The following PCLO variants were observed in gnomAD, a reference collection of about 807,000 sequenced individuals.
The protein encoded by PCLO is piccolo presynaptic cytomatrix protein.
Under a neutral mutation model 427.5 loss-of-function variants are expected in PCLO, and 82 were observed. The observed-to-expected ratio is 0.19, with a 90% confidence interval of 0.16 to 0.23. The LOEUF (loss-of-function observed/expected upper bound fraction) is 0.23, where lower values mean the gene tolerates loss of function less well. Ranked by LOEUF, PCLO falls within the 10% of genes least tolerant of loss-of-function variation. The probability of loss-of-function intolerance (pLI) is 1.00; values close to 1 mark genes in which losing one functional copy is unlikely to be tolerated. For missense variants in PCLO, 6,239 were observed against 6,115.9 expected (o/e 1.02, Z -0.67); for synonymous variants, 2,357 against 2,155.4 (o/e 1.09, Z -2.59).
At chr7:82,860,770 A>G (rs1417588968) in intron 10 of PCLO, among the ~76,000 whole-genome samples, 3 of 152,088 alleles carry the variant, frequency 2.0e-5, no homozygotes, top group Non-Finnish European at 4.4e-5. Flanking sequence ...AAGACATAGC[A>G]TAATAAGATA....
At position 82,916,131 on chromosome 7, in the gene PCLO, A is replaced by G; in HGVS notation, c.11855T>C (p.Leu3952Ser). The G allele has an allele frequency of 6.2e-7, 1 of 1,613,620 alleles. No homozygotes were observed. The highest frequency in any genetic ancestry group is 1.7e-5 in the Admixed American group (1 of 59,984). The change falls in exon 7 of 25, where the codon TTA (leucine) becomes TCA (serine). Residue 3952 changes from leucine to serine, a missense_variant. By Grantham distance (145) the Leu-to-Ser change is moderately radical. Transcript: ENST00000333891. Reference protein sequence around the residue: ...PTPTPQPSYQLPSQMMVIQQK... With the variant: ...PTPTPQPSYQSPSQMMVIQQK... ...TTGTATCACCATCATCTGTGAAGGTAACTGATAAGAAGGCTGTGGGGTTGG... is the reference window on the plus strand; with the variant it reads ...TTGTATCACCATCATCTGTGAAGGTGACTGATAAGAAGGCTGTGGGGTTGG...
chr7:82,789,532 C>A (rs1054297650), intron 22 of PCLO, among the ~76,000 whole-genome samples: 1 of 152,022 alleles, frequency 6.6e-6, no homozygotes, highest in African/African-American at 2.4e-5. Flanking sequence ...ATGGTGAAAC[C>A]CCATCTCTAC....
At position 83,162,328 on chromosome 7, in the gene PCLO, C is replaced by T; in HGVS notation, c.248+17G>A. 6.3e-7 allele frequency: 1 copy of T among 1,589,120 alleles called. No homozygotes were observed. ...CTGTACATATATGCCCGGACATATA[C>T]ATCATGCTGTGCATGCCTGTGCATG... is the stretch of plus-strand genomic sequence containing the variant. On this transcript the variant is annotated intron_variant, in intron 1 of 24. Transcript: ENST00000333891.
chr7:83,054,903 A>T (rs1789340614), intron 3 of PCLO, among the ~76,000 whole-genome samples: 1 of 152,090 alleles, frequency 6.6e-6, no homozygotes, highest in Non-Finnish European at 1.5e-5. Flanking sequence ...AAGTAACTAT[A>T]ATTTTGCTAA....
intron 3 of PCLO, among the ~76,000 whole-genome samples, chr7:83,012,982 G>A (rs1231445275): frequency 6.6e-6 from 1 of 152,080 alleles, no homozygotes; most frequent in Non-Finnish European, 1.5e-5. Context: ...GAAAGAAGGT[G>A]ATGAGTTTCA....
intron 3 of PCLO, among the ~76,000 whole-genome samples, chr7:83,054,400 T>C (rs1314320814): frequency 1.3e-5 from 2 of 152,038 alleles, no homozygotes; most frequent in East Asian, 1.9e-4. Context: ...ACTGGCATAA[T>C]AAATGCCAAA....
chr7:83,007,650 T>C (rs1050896967), intron 3 of PCLO, among the ~76,000 whole-genome samples: 5 of 151,512 alleles, frequency 3.3e-5, no homozygotes, highest in African/African-American at 1.2e-4. Context: ...AAAATATTTA[T>C]TGGGGGAGGA....
chr7:83,135,119 C>T lies in PCLO; in HGVS notation c.2431G>A (p.Glu811Lys). The T allele has an allele frequency of 6.2e-7, 1 of 1,613,804 alleles. No homozygotes were observed. Among genetic ancestry groups the T allele is most frequent in the South Asian group, 1.1e-5 (1 of 91,078 alleles). ...KPSQSFPPTG[E>K]KVSPFDSKAI... is the part of the protein sequence containing the mutation. ...TTAGAATCAAATGGGCTGACTTTTT[C>T]CCCTGTTGGTGGAAAACTCTGTGAG... is the stretch of plus-strand genomic sequence containing the variant. The change falls in exon 3 of 25, where the codon GAA becomes AAA. Residue 811 changes from glutamate (E) to lysine (K), a missense_variant. Glu to Lys is a moderately conservative substitution (Grantham distance 56). Transcript: ENST00000333891.
chr7:82,971,728 C>G (rs1795911712), intron 3 of PCLO, among the ~76,000 whole-genome samples: 1 of 147,472 alleles, frequency 6.8e-6, no homozygotes, highest in Non-Finnish European at 1.5e-5. Flanking sequence ...GCCACAATTA[C>G]TTTTGTACCA....
rs181383028 is a variant in PCLO, at chr7:82,757,270, G to C, written c.*1305C>G. The C allele has an allele frequency of 6.6e-5, 10 of 152,012 alleles. No individual in the cohort carries two copies. The highest frequency in any genetic ancestry group is 3.9e-4 in the Admixed American group (6 of 15,236). 9.4% of individuals were successfully genotyped at this position (152,012 alleles called of 1,614,324 possible). ...TAATTAATAATGCTGATAGAGAAGA[G>C]GGTGCTTCATTTTAAGACTTGGACA... is the stretch of plus-strand genomic sequence containing the variant. On this transcript the variant is annotated 3_prime_UTR_variant, in exon 25 of 25. Transcript: ENST00000333891.
chr7:82,853,964 T>G (rs1792733847), intron 10 of PCLO, among the ~76,000 whole-genome samples: 1 of 152,228 alleles, frequency 6.6e-6, no homozygotes, highest in Admixed American at 6.5e-5. Context: ...GCTGAAGGTT[T>G]ATATAAGAAA....
At chr7:83,143,283 T>A (rs1201833007) in intron 2 of PCLO, among the ~76,000 whole-genome samples, 1 of 152,202 alleles carries the variant, frequency 6.6e-6, no homozygotes, top group African/African-American at 2.4e-5. Context: ...GCAGTTTGGA[T>A]TGAGATGACT....
In PCLO at chr7:82,914,708, T is replaced by C; in HGVS notation, c.13278A>G (p.Gln4426=). The part of the protein sequence containing the change: ...RDIAFIMDDF[Q]HAMSDSEAYH... The stretch of plus-strand genomic sequence containing the variant: ...TACCTTCACTGTCTGACATGGCATG[T>C]TGGAAGTCATCCATGATGAATGCTA... Residue 4426 remains glutamine, a synonymous_variant, in exon 7 of 25, where the codon CAA becomes CAG. Coordinates refer to ENST00000333891, the MANE Select transcript of PCLO (RefSeq NM_033026.6). 1 of 1,613,206 alleles carries C rather than the reference T, an allele frequency of 6.2e-7. No individual in the cohort carries two copies. Among genetic ancestry groups the C allele is most frequent in the South Asian group, 1.1e-5 (1 of 91,028 alleles).
At chr7:82,998,115 T>A (rs1381716670) in intron 3 of PCLO, among the ~76,000 whole-genome samples, 1 of 151,932 alleles carries the variant, frequency 6.6e-6, no homozygotes, top group African/African-American at 2.4e-5. Context: ...AGCAAAACCT[T>A]CTACGGAAAC....
At chr7:83,008,394 C>A (rs1787999230) in intron 3 of PCLO, among the ~76,000 whole-genome samples, 1 of 151,518 alleles carries the variant, frequency 6.6e-6, no homozygotes, top group African/African-American at 2.4e-5. Context: ...GGAATCTAAT[C>A]TTTTTTAATG....
chr7:82,778,755 A>C (rs976469938), intron 22 of PCLO, among the ~76,000 whole-genome samples: 12 of 151,812 alleles, frequency 7.9e-5, no homozygotes, highest in African/African-American at 2.7e-4. Context: ...CATGCCTTTC[A>C]ATTTTTTTTA....
chr7:83,004,226 G>A (rs912816713), intron 3 of PCLO, among the ~76,000 whole-genome samples: 5 of 151,594 alleles, frequency 3.3e-5, no homozygotes, highest in African/African-American at 1.2e-4. Flanking sequence ...ATCAACAAAG[G>A]TATAGGTATC....
At chr7:83,071,397 CT>C (rs1315718622) in intron 3 of PCLO, among the ~76,000 whole-genome samples, 3 of 152,078 alleles carry the variant, frequency 2.0e-5, no homozygotes, top group Admixed American at 1.3e-4. Context: ...ATTGAGAGAC[CT>C]TTTAAACATT....
At chr7:82,887,360 A>G (rs532930298) in intron 9 of PCLO, among the ~76,000 whole-genome samples, 5 of 152,174 alleles carry the variant, frequency 3.3e-5, no homozygotes, top group Non-Finnish European at 7.4e-5. Context: ...CCTTTATTGA[A>G]TCCCATTTCC....
Sources: allele counts gnomAD v4.1 joint callset (sites outside exome capture counted in the v4.1 genomes callset), GRCh38; gene constraint gnomAD v4.1.1; transcripts MANE v1.5; gene names NCBI Gene and HGNC (gene_info 2026-07-23, HGNC 2026-07-21).